The following CCDC102B variants were observed in gnomAD, a reference collection of about 807,000 sequenced individuals.
CCDC102B encodes coiled-coil domain containing 102B.
CCDC102B carries 75 observed loss-of-function variants against 57.4 expected under a neutral mutation model. That is an observed-to-expected ratio of 1.31 (90% confidence interval 1.08 to 1.58). The LOEUF is 1.58. Ranked by LOEUF, CCDC102B falls within the 40% of genes most tolerant of loss-of-function variation. The pLI is 0.00. For missense variants in CCDC102B, 636 were observed against 582.6 expected, an observed-to-expected ratio of 1.09 and a Z score of -0.94; for synonymous variants, 206 against 201.9, an observed-to-expected ratio of 1.02 and a Z score of -0.17.
intron 7 of CCDC102B, among the ~76,000 whole-genome samples, chr18:69,051,695 G>C (rs1392879056): frequency 6.6e-6 from 1 of 151,886 alleles, no homozygotes; most frequent in Non-Finnish European, 1.5e-5. Context: ...AAAAGGGTTT[G>C]CTATCAGACT....
chr18:68,893,913 A>G (rs2040160310), intron 5 of CCDC102B, among the ~76,000 whole-genome samples: 2 of 152,078 alleles, frequency 1.3e-5, no homozygotes, highest in Admixed American at 6.6e-5. Flanking sequence ...CTAACATTCC[A>G]TAACTGCACA....
At chr18:68,994,887 G>A (rs1054038191) in intron 6 of CCDC102B, among the ~76,000 whole-genome samples, 4 of 152,226 alleles carry the variant, frequency 2.6e-5, no homozygotes, top group East Asian at 1.9e-4. Flanking sequence ...AAATGTGGAA[G>A]GAACGTTGGA....
intron 7 of CCDC102B, among the ~76,000 whole-genome samples, chr18:69,022,383 T>A (rs1345792458): frequency 6.6e-6 from 1 of 151,600 alleles, no homozygotes; most frequent in Non-Finnish European, 1.5e-5. Flanking sequence ...ACAATATACT[T>A]TTTTCTTTTG....
chr18:68,785,125 A>G (rs1432882250), intron 2 of CCDC102B, among the ~76,000 whole-genome samples: 5 of 151,506 alleles, frequency 3.3e-5, no homozygotes, highest in Admixed American at 2.0e-4. Context: ...ATGACTTCCA[A>G]TTTCATCCAT....
At chr18:68,740,245 C>G (rs1207060830) in intron 2 of CCDC102B, among the ~76,000 whole-genome samples, 1 of 152,136 alleles carries the variant, frequency 6.6e-6, no homozygotes, top group Admixed American at 6.6e-5. Context: ...CAGTTAAGAA[C>G]CACTTGTTAT....
chr18:68,896,285 C>T (rs1431556753), intron 5 of CCDC102B, among the ~76,000 whole-genome samples: 1 of 151,954 alleles, frequency 6.6e-6, no homozygotes, highest in Non-Finnish European at 1.5e-5. Flanking sequence ...TTGATATTGC[C>T]TCTTTAAAAC....
chr18:68,765,937 T>C (rs1300067251), intron 2 of CCDC102B, among the ~76,000 whole-genome samples: 4 of 152,144 alleles, frequency 2.6e-5, no homozygotes, highest in African/African-American at 9.7e-5. Context: ...ATCTGGAATG[T>C]TATGTCTTTT....
intron 6 of CCDC102B, among the ~76,000 whole-genome samples, chr18:68,929,958 C>T (rs527694470): frequency 1.3e-5 from 2 of 151,790 alleles, no homozygotes; most frequent in Admixed American, 1.3e-4. Flanking sequence ...AGTTACCACA[C>T]AATCCTAAAA....
At chr18:68,763,967 C>A (rs2034341899) in intron 2 of CCDC102B, among the ~76,000 whole-genome samples, 1 of 152,046 alleles carries the variant, frequency 6.6e-6, no homozygotes, top group Non-Finnish European at 1.5e-5. Context: ...TCGTTGCTTT[C>A]TATTCTCATA....
intron 1 of CCDC102B, among the ~76,000 whole-genome samples, 161 bp from the exon 2 acceptor site, chr18:68,836,588 A>G (rs1326675109): frequency 7.3e-6 from 1 of 137,318 alleles, no homozygotes; most frequent in African/African-American, 2.7e-5. Context: ...AGATCATGCT[A>G]CTGCACTCCA....
chr18:69,015,324 A>G (rs993713587), intron 7 of CCDC102B, among the ~76,000 whole-genome samples: 8 of 152,220 alleles, frequency 5.3e-5, no homozygotes, highest in Admixed American at 4.6e-4. Context: ...GCATATTTTA[A>G]TGTGTATTAT....
intron 2 of CCDC102B, among the ~76,000 whole-genome samples, chr18:68,762,462 C>T (rs1168758994): frequency 2.6e-5 from 4 of 151,942 alleles, no homozygotes; most frequent in Non-Finnish European, 5.9e-5. Context: ...TCACTAGTCA[C>T]TTAGTGGCCA....
intron 7 of CCDC102B, among the ~76,000 whole-genome samples, chr18:69,036,319 A>G (rs6566407): frequency 0.99 from 150,589 of 152,136 alleles, 74,552 homozygotes; most frequent in South Asian, 1. Context: ...TTGTTATATT[A>G]TCCGTTTGAT....
intron 6 of CCDC102B, among the ~76,000 whole-genome samples, chr18:68,959,733 C>T (rs1423240399): frequency 1.1e-4 from 17 of 151,936 alleles, no homozygotes; most frequent in African/African-American, 4.1e-4. Context: ...TCTTTGCTCC[C>T]TTTTTCTCAA....
At chr18:68,982,626 G>GT (rs977871815) in intron 6 of CCDC102B, among the ~76,000 whole-genome samples, 2 of 151,246 alleles carry the variant, frequency 1.3e-5, no homozygotes, top group African/African-American at 2.4e-5. Context: ...TTAGTACATT[G>GT]TTTTTTTTAA....
At chr18:68,905,930 A>G (rs112630312) in intron 6 of CCDC102B, among the ~76,000 whole-genome samples, 1 of 151,114 alleles carries the variant, frequency 6.6e-6, no homozygotes, top group Non-Finnish European at 1.5e-5. Flanking sequence ...GGTAGCTGGG[A>G]CTACAGGCGC....
intron 2 of CCDC102B, among the ~76,000 whole-genome samples, chr18:68,764,585 G>C (rs983686101): frequency 1.3e-5 from 2 of 152,096 alleles, no homozygotes; most frequent in Non-Finnish European, 2.9e-5. Context: ...GCACCACCAG[G>C]CTAGCAAATT....
At chr18:69,038,201 A>G (rs1214884880) in intron 7 of CCDC102B, among the ~76,000 whole-genome samples, 2 of 151,918 alleles carry the variant, frequency 1.3e-5, no homozygotes, top group African/African-American at 2.4e-5. Context: ...ATAGCATAAA[A>G]TGGCGCCATG....
In CCDC102B at chr18:68,847,655, G is replaced by A. The variant is rs536422192; in HGVS notation, c.936+1234G>A. ...TAAGTGAGAGAAAAAATAAAAGTAT[G>A]ACATTATACAGTGTAAGGTGGATCT... On this transcript the variant is annotated intron_variant, in intron 4 of 7. Coordinates refer to ENST00000360242, the MANE Select transcript of CCDC102B (RefSeq NM_024781.3). Among the ~76,000 whole-genome samples, 3 of 151,846 alleles carry A rather than the reference G, an allele frequency of 2.0e-5. No homozygotes were observed. In the East Asian group the frequency reaches 5.8e-4, roughly 29 times the overall value.
Sources: allele counts gnomAD v4.1 joint callset (sites outside exome capture counted in the v4.1 genomes callset), GRCh38; gene constraint gnomAD v4.1.1; transcripts MANE v1.5; gene names NCBI Gene and HGNC (gene_info 2026-07-23, HGNC 2026-07-21).